Variants in STK31 observed in about 807,000 individuals in gnomAD.
STK31 encodes the protein serine/threonine-protein kinase 31.
A neutral mutation model predicts 129.7 loss-of-function variants in STK31; 89 were observed. The observed-to-expected ratio is 0.69, with a 90% CI of 0.58 to 0.82. The LOEUF is 0.82. Ranked by LOEUF, STK31 falls within the 40% of genes least tolerant of loss-of-function variation. The pLI, the probability that STK31 is intolerant of heterozygous loss-of-function variation, is 0.00. For missense variants in STK31, 1,187 were observed against 1,176.4 expected, an observed-to-expected ratio of 1.01 and a Z score of -0.13; for synonymous variants, 448 against 395.3, an observed-to-expected ratio of 1.13 and a Z score of -1.58.
At chr7:23,748,489 A>C (rs1379795996) in intron 8 of STK31, among the ~76,000 whole-genome samples, 5 of 152,186 alleles carry the variant, frequency 3.3e-5, no homozygotes, top group African/African-American at 1.2e-4. Context: ...TTATATGTGG[A>C]TATTTTAAAT....
upstream of STK31, chr7:23,710,124 T>G: frequency 7.7e-7 from 1 of 1,306,092 alleles, no homozygotes; most frequent in East Asian, 2.4e-5. Flanking sequence ...TCCCGCACGC[T>G]TCTTCCTAGG....
At chr7:23,799,035 G>A (rs2128119270) in intron 22 of STK31, among the ~76,000 whole-genome samples, 1 of 152,252 alleles carries the variant, frequency 6.6e-6, no homozygotes, top group South Asian at 2.1e-4. Flanking sequence ...CAGCTAGCAA[G>A]GGATGTGAAG....
At chr7:23,824,923 C>T (rs1794032786) in intron 23 of STK31, among the ~76,000 whole-genome samples, 1 of 152,052 alleles carries the variant, frequency 6.6e-6, no homozygotes, top group Non-Finnish European at 1.5e-5. Context: ...TATGTTGAAC[C>T]AGCCTTGCAT....
chr7:23,745,768 G>A (rs1003978728), intron 8 of STK31, among the ~76,000 whole-genome samples: 3 of 152,104 alleles, frequency 2.0e-5, no homozygotes, highest in Non-Finnish European at 4.4e-5. Flanking sequence ...TGTGGCAGCA[G>A]CTAGTGACAA....
In STK31 at chr7:23,712,088, T is replaced by C. The variant is rs942376091; in HGVS notation, c.51-11T>C. On this transcript the variant is annotated splice_polypyrimidine_tract_variant and intron_variant, in intron 1 of 23. Coordinates refer to ENST00000355870, the MANE Select transcript of STK31 (RefSeq NM_031414.5). Reference sequence around the variant, plus strand: ...TGGATTATTGTAATCTAATTTAAGGTATTGTTCTAGTTTTTCAGGAATTGT... The same window carrying C: ...TGGATTATTGTAATCTAATTTAAGGCATTGTTCTAGTTTTTCAGGAATTGT... 6.3e-7 allele frequency: 1 copy of C among 1,591,650 alleles called. No individual in the cohort carries two copies. The highest frequency in any genetic ancestry group is 2.2e-5 in the East Asian group (1 of 44,710).
intron 13 of STK31, 118 bp downstream of exon 13, chr7:23,769,874 A>G: frequency 1.8e-6 from 1 of 567,066 alleles, no homozygotes; most frequent in Non-Finnish European, 3.0e-6. Flanking sequence ...ATTAAGACTG[A>G]TCTTAGCTTT....
rs374384079 is a variant in STK31 at position 23,801,910 on chromosome 7, A to G, written c.2760+10964A>G. Among the ~76,000 whole-genome samples, 3 of 152,306 alleles carry G rather than the reference A, an allele frequency of 2.0e-5. No individual in the cohort carries two copies. The East Asian group carries it at 5.8e-4, about 29-fold the overall frequency. On this transcript the variant is annotated intron_variant, in intron 22 of 23. Coordinates refer to ENST00000355870, the MANE Select transcript of STK31 (RefSeq NM_031414.5). ...TGATCTGTGTGTCTATCCGTTTACC[A>G]ACATCATACTGTCTTGGTTACTGTA...
chr7:23,818,400 A>T (rs944504063), intron 23 of STK31, among the ~76,000 whole-genome samples: 4 of 152,188 alleles, frequency 2.6e-5, no homozygotes, highest in Admixed American at 2.6e-4. Flanking sequence ...TTATTGTGTC[A>T]TATGAGGGGG....
At chr7:23,813,008 TC>T (rs1402035644) in intron 22 of STK31, among the ~76,000 whole-genome samples, 12 of 151,844 alleles carry the variant, frequency 7.9e-5, no homozygotes, top group African/African-American at 2.9e-4. Context: ...ATTATTTTTT[TC>T]CTTTTCTTCT....
intron 10 of STK31, among the ~76,000 whole-genome samples, chr7:23,759,244 A>T (rs942027882): frequency 4.6e-5 from 7 of 152,218 alleles, no homozygotes; most frequent in African/African-American, 1.7e-4. Flanking sequence ...TAACAAGGAT[A>T]TTCAGGACTT....
chr7:23,796,673 C>T lies in STK31; in HGVS notation c.2760+5727C>T, dbSNP rs948673884. 6.6e-5 allele frequency among the ~76,000 whole-genome samples: 10 copies of T among 152,228 alleles called. No individual in the cohort carries two copies. In the East Asian group the frequency reaches 1.9e-3, roughly 29 times the overall value. ...TTCCTGTGTGCCATCCCTTTGTAGT[C>T]ACAGCCTCCTCCCAACCCTTAAACG... On this transcript the variant is annotated intron_variant, in intron 22 of 23. Coordinates refer to ENST00000355870, the MANE Select transcript of STK31 (RefSeq NM_031414.5).
chr7:23,818,498 TC>T lies in STK31; in HGVS notation c.2829+3287del, dbSNP rs748732423. 1.8e-4 allele frequency among the ~76,000 whole-genome samples: 28 copies of T among 152,306 alleles called. No individual in the cohort carries two copies. The East Asian group carries it at 2.9e-3, about 16-fold the overall frequency. ...TGTACAGGGGTATATTTTTAGTTTT[TC>T]TATCCCATTGGTTTGTTTATTCATA... On this transcript the variant is annotated intron_variant, in intron 23 of 23. Transcript: ENST00000355870.
chr7:23,724,668 T>G (rs1786947613), intron 4 of STK31, among the ~76,000 whole-genome samples: 1 of 152,216 alleles, frequency 6.6e-6, no homozygotes, highest in Admixed American at 6.5e-5. Flanking sequence ...TGGTTAGGAC[T>G]GTTGATTGTC....
At position 23,736,888 on chromosome 7, in the gene STK31, G is replaced by T; in HGVS notation, c.843-16G>T. ...ATACAGTTTGTTTGTCAAAATAAAT[G>T]AATTTGTTTTTATAGGGAAAGTTTG... On this transcript the variant is annotated splice_polypyrimidine_tract_variant and intron_variant, in intron 7 of 23. Coordinates refer to ENST00000355870, the MANE Select transcript of STK31 (RefSeq NM_031414.5). The T allele has an allele frequency of 6.3e-7, 1 of 1,586,092 alleles. No homozygotes were observed. The highest frequency in any genetic ancestry group is 8.6e-7 in the Non-Finnish European group (1 of 1,168,534).
chr7:23,719,426 C>CA (rs748402916), intron 4 of STK31, among the ~76,000 whole-genome samples: 107 of 150,012 alleles, frequency 7.1e-4, no homozygotes, highest in Admixed American at 3.0e-3. Context: ...AAGCTCTAAC[C>CA]AAAAAAAAAG....
Position 23,752,810 on chromosome 7 carries a change from A to C in STK31, c.1111A>C (p.Met371Leu). 3 of 1,610,782 alleles carry C rather than the reference A, an allele frequency of 1.9e-6. No homozygotes were observed. In the African/African-American group the frequency reaches 4.0e-5, roughly 21 times the overall value. ...DTRMKNLAAKMEILKEMRHVD... is the reference protein window; with the variant it reads ...DTRMKNLAAKLEILKEMRHVD... The stretch of plus-strand genomic sequence containing the variant: ...CAGAATGAAAAATCTGGCAGCTAAG[A>C]TGGAAATACTGAAAGAAATGAGGTA... The change falls in exon 9 of 24, where the codon ATG (methionine) becomes CTG (leucine). Residue 371 changes from methionine to leucine, a missense_variant. Met to Leu is a conservative substitution (Grantham distance 15, BLOSUM62 2). Transcript: ENST00000355870.
intron 23 of STK31, among the ~76,000 whole-genome samples, chr7:23,831,091 A>G (rs1342097550): frequency 6.6e-6 from 1 of 152,196 alleles, no homozygotes; most frequent in Non-Finnish European, 1.5e-5. Context: ...TATGAGAAGT[A>G]TGTGTATTCT....
intron 22 of STK31, among the ~76,000 whole-genome samples, chr7:23,806,172 A>G (rs1792692173): frequency 6.6e-6 from 1 of 152,192 alleles, no homozygotes; most frequent in Non-Finnish European, 1.5e-5. Flanking sequence ...ATTGACCACT[A>G]TGAAGTCCCT....
At chr7:23,789,123 T>C (rs6973657) in intron 21 of STK31, among the ~76,000 whole-genome samples, 149,136 of 152,296 alleles carry the variant, frequency 0.98, 73,121 homozygotes, top group East Asian at 1. Context: ...TTATTGACTG[T>C]ATCAAAATGT....
Sources: allele counts gnomAD v4.1 joint callset (sites outside exome capture counted in the v4.1 genomes callset), GRCh38; gene constraint gnomAD v4.1.1; transcripts MANE v1.5; gene names NCBI Gene and HGNC (gene_info 2026-07-23, HGNC 2026-07-21).